Variants in UGT1A7 observed in about 807,000 individuals in gnomAD.
UGT1A7 encodes UDP-glucuronosyltransferase 1A7.
In UGT1A7, 33 loss-of-function variants were observed where a neutral mutation model predicts 45.6. The observed-to-expected ratio is 0.72, with a 90% CI of 0.55 to 0.97. The LOEUF (loss-of-function observed/expected upper bound fraction) is 0.97. Among genes scored for constraint, UGT1A7 ranks in the 50% least tolerant of loss-of-function variants. The probability of loss-of-function intolerance (pLI) is 0.00; values close to 1 mark genes in which losing one functional copy is unlikely to be tolerated. For synonymous variants in UGT1A7, 274 were observed against 250.6 expected (o/e 1.09, Z -0.88); for missense variants, 684 against 666.2 (o/e 1.03, Z -0.29).
rs535794871 is a variant in UGT1A7, at chr2:233,717,576, G to C, written c.855+34784G>C. On this transcript the variant is annotated intron_variant, in intron 1 of 4. Coordinates refer to ENST00000373426, the MANE Select transcript of UGT1A7 (RefSeq NM_019077.3). ...AATGGCAGACATGGCCAGGCATGTA[G>C]ACACAGAGGTAGTGAGATGGAAAGT... Among the ~76,000 whole-genome samples, 4 of 152,362 alleles carry C rather than the reference G, an allele frequency of 2.6e-5. No homozygotes were observed. In the East Asian group the frequency reaches 7.7e-4, roughly 29 times the overall value.
At chr2:233,755,001 A>C (rs1350785885) in intron 1 of UGT1A7, 1 of 1,292,842 alleles carries the variant, frequency 7.7e-7, no homozygotes, top group African/African-American at 1.5e-5. Flanking sequence ...GAAGCTGAAG[A>C]CCTACTCGAA....
rs1378929014 is a variant in UGT1A7, at chr2:233,747,451, A to G, written c.856-19583A>G. On this transcript the variant is annotated intron_variant, in intron 1 of 4. Coordinates refer to ENST00000373426, the MANE Select transcript of UGT1A7 (RefSeq NM_019077.3). ...GAGAAATTTTTCACCCTGACAACCT[A>G]TGCCATTTCATGGACCCAGGATGAA... is the stretch of plus-strand genomic sequence containing the variant. 1.7e-4 allele frequency: 273 copies of G among 1,608,716 alleles called. 1 individual carries two copies. The highest frequency in any genetic ancestry group is 3.3e-5 in the Admixed American group (2 of 59,980).
In UGT1A7 at chr2:233,769,639, C is replaced by T; in HGVS notation, c.1295+1200C>T. 2.5e-6 allele frequency: 4 copies of T among 1,609,972 alleles called. No homozygotes were observed. The highest frequency in any genetic ancestry group is 1.3e-5 in the African/African-American group (1 of 75,022). The stretch of plus-strand genomic sequence containing the variant: ...TTGAGCAAGGGACAACAGGGGAGGA[C>T]TGATGACTGACTTCCCACCTTTGAG... On this transcript the variant is annotated intron_variant, in intron 4 of 4. Transcript: ENST00000373426. This position sits in a 1 kb window ranked among gnomAD's most constrained non-coding sequence, Gnocchi z 4.4.
chr2:233,727,325 G>A (rs180717488), intron 1 of UGT1A7, among the ~76,000 whole-genome samples: 2 of 152,224 alleles, frequency 1.3e-5, no homozygotes, highest in Non-Finnish European at 1.5e-5. Flanking sequence ...CAGGCACCAG[G>A]AGCTCCTCCC....
At chr2:233,747,302 A>C (rs1182136395) in intron 1 of UGT1A7, 17 of 1,602,464 alleles carry the variant, frequency 1.1e-5, no homozygotes, top group Non-Finnish European at 1.5e-5. Flanking sequence ...GAGAGTGGGA[A>C]GGTGCTGGTG....
intron 1 of UGT1A7, among the ~76,000 whole-genome samples, chr2:233,701,088 A>T (rs1483138607): frequency 6.6e-6 from 1 of 152,152 alleles, no homozygotes; most frequent in Non-Finnish European, 1.5e-5. Context: ...CATGGTGTAT[A>T]TGTGCCACAT....
chr2:233,712,855 A>T lies in UGT1A7; in HGVS notation c.855+30063A>T. ...ATTATAGATTAACGGGTAATAAGTAACTGGAGGAGGGCACTCTGTCTTCAA... is the reference window on the plus strand; with the variant it reads ...ATTATAGATTAACGGGTAATAAGTATCTGGAGGAGGGCACTCTGTCTTCAA... On this transcript the variant is annotated intron_variant, in intron 1 of 4. Coordinates refer to ENST00000373426, the MANE Select transcript of UGT1A7 (RefSeq NM_019077.3). The T allele has an allele frequency of 4.5e-6, 7 of 1,553,020 alleles. No individual in the cohort carries two copies. In the South Asian group the frequency reaches 8.4e-5, roughly 19 times the overall value.
chr2:233,693,305 G>A (rs1257191754), intron 1 of UGT1A7: 2 of 1,614,074 alleles, frequency 1.2e-6, no homozygotes, highest in African/African-American at 1.3e-5. Flanking sequence ...TCACTTTGCT[G>A]AGCGATCATT....
intron 1 of UGT1A7, chr2:233,748,161 A>G: frequency 1.3e-6 from 2 of 1,596,158 alleles, no homozygotes; most frequent in South Asian, 2.3e-5. Context: ...TTGCTTCCAT[A>G]TCTACTTATC....
intron 1 of UGT1A7, among the ~76,000 whole-genome samples, chr2:233,704,490 ATTG>A (rs1399641575): frequency 1.3e-5 from 2 of 152,084 alleles, no homozygotes; most frequent in African/African-American, 4.8e-5. Flanking sequence ...TTATGATATT[ATTG>A]TTATACGTGG....
intron 1 of UGT1A7, chr2:233,747,520 CAG>C (rs1211118425): frequency 1.2e-6 from 2 of 1,606,826 alleles, no homozygotes; most frequent in African/African-American, 2.7e-5. Flanking sequence ...TACTTTGAAA[CAG>C]AACATTTTCT....
chr2:233,689,691 G>C (rs1033549121), intron 1 of UGT1A7, among the ~76,000 whole-genome samples: 1 of 152,206 alleles, frequency 6.6e-6, no homozygotes, highest in Non-Finnish European at 1.5e-5. Flanking sequence ...TCAGAGTTCA[G>C]TCGTTATTTC....
chr2:233,717,725 C>A (rs977761305), intron 1 of UGT1A7: 47 of 455,612 alleles, frequency 1.0e-4, no homozygotes, highest in Non-Finnish European at 1.9e-4. Flanking sequence ...GGGCATGAGA[C>A]CATTGTGAGT....
intron 4 of UGT1A7, chr2:233,771,316 C>G (rs936355212): frequency 6.6e-6 from 1 of 152,132 alleles, no homozygotes; most frequent in Non-Finnish European, 1.5e-5. Context: ...TTTCCCTCTC[C>G]TCTTCAATCT....
At chr2:233,728,376 T>C (rs1983023) in intron 1 of UGT1A7, among the ~76,000 whole-genome samples, 69,101 of 151,732 alleles carry the variant, frequency 0.46, 17,142 homozygotes, top group African/African-American at 0.66. Context: ...ACCATGGGTC[T>C]TTGCTAGGGT....
At chr2:233,689,976 G>C in intron 1 of UGT1A7, 1 of 454,072 alleles carries the variant, frequency 2.2e-6, no homozygotes, top group Non-Finnish European at 4.4e-6. Context: ...GAACCCACAG[G>C]CCCCTAAAAG....
At position 233,747,957 on chromosome 2, in the gene UGT1A7, C is replaced by G. The variant is rs113780348; in HGVS notation, c.856-19077C>G. On this transcript the variant is annotated intron_variant, in intron 1 of 4. Transcript: ENST00000373426. Reference sequence around the variant, plus strand: ...GAGGGAGGTGTCAGTGGTGGATCTTCTCAGCCATGCATCTGTGTGGCTGTT... The same window carrying G: ...GAGGGAGGTGTCAGTGGTGGATCTTGTCAGCCATGCATCTGTGTGGCTGTT... 1,995 of 1,613,432 alleles carry G rather than the reference C, an allele frequency of 1.2e-3. 66 individuals carry two copies. The African/African-American group carries it at 0.02, about 16-fold the overall frequency.
At chr2:233,695,569 C>T (rs7607180) in intron 1 of UGT1A7, among the ~76,000 whole-genome samples, 104 of 151,972 alleles carry the variant, frequency 6.8e-4, no homozygotes, top group African/African-American at 2.2e-3. Context: ...TTTTCACCCC[C>T]CCTTCCCTAC....
chr2:233,693,267 A>G lies in UGT1A7; in HGVS notation c.855+10475A>G, dbSNP rs759897162. The G allele has an allele frequency of 1.2e-5, 19 of 1,614,050 alleles. No individual in the cohort carries two copies. In the Admixed American group the frequency reaches 3.2e-4, roughly 27 times the overall value. ...GTGCCGTATGACCAAGAAGAGCTGAAGAACCGTTACCAATCATTTGGAAAC... is the reference window on the plus strand; with the variant it reads ...GTGCCGTATGACCAAGAAGAGCTGAGGAACCGTTACCAATCATTTGGAAAC... On this transcript the variant is annotated intron_variant, in intron 1 of 4. Transcript: ENST00000373426.
Sources: allele counts gnomAD v4.1 joint callset (sites outside exome capture counted in the v4.1 genomes callset), GRCh38; gene constraint gnomAD v4.1.1; non-coding constraint Gnocchi (gnomAD v3.1); transcripts MANE v1.5; gene names NCBI Gene and HGNC (gene_info 2026-07-23, HGNC 2026-07-21).